NMT2: variants seen among roughly 807,000 people sequenced by gnomAD.
NMT2 encodes the protein glycylpeptide N-tetradecanoyltransferase 2.
Under a neutral mutation model 65.4 loss-of-function variants are expected in NMT2, and 35 were observed. That is an observed-to-expected ratio of 0.54 (90% CI 0.41 to 0.71). The LOEUF (loss-of-function observed/expected upper bound fraction) is 0.71, where lower values mean the gene tolerates loss of function less well. Among genes scored for constraint, NMT2 ranks in the 30% least tolerant of loss-of-function variants. NMT2 has a pLI of 0.00. For synonymous variants in NMT2, 226 were observed against 231.8 expected, an observed-to-expected ratio of 0.98 and a Z score of 0.23; for missense variants, 489 against 611.3, an observed-to-expected ratio of 0.80 and a Z score of 2.11.
chr10:15,141,764 C>G (rs1039692817), intron 1 of NMT2, among the ~76,000 whole-genome samples: 1 of 152,198 alleles, frequency 6.6e-6, no homozygotes, highest in Non-Finnish European at 1.5e-5. Flanking sequence ...GCTCAGTCAT[C>G]CTGCAGGTGC....
intron 1 of NMT2, among the ~76,000 whole-genome samples, chr10:15,144,679 C>G (rs10796260): frequency 0.37 from 55,620 of 151,402 alleles, 12,352 homozygotes; most frequent in African/African-American, 0.64. Context: ...TGCAGTGAGC[C>G]GAGATTGCAC....
intron 1 of NMT2, among the ~76,000 whole-genome samples, chr10:15,151,896 C>T (rs182023081): frequency 3.3e-5 from 5 of 152,250 alleles, no homozygotes; most frequent in East Asian, 1.9e-4. Flanking sequence ...TGTGGTGGCA[C>T]GCGCCTGTAA....
In NMT2 at chr10:15,155,270, C is replaced by T. The variant is rs1832954925; in HGVS notation, c.110+13233G>A. ...CAAACAGTTCGAAGGAGACGTGCCC[C>T]AAGGCCTCGCTGTTGATGGCGATGT... On this transcript the variant is annotated intron_variant, in intron 1 of 11. Transcript: ENST00000378165. 3 of 1,439,008 alleles carry T rather than the reference C, an allele frequency of 2.1e-6. No homozygotes were observed. In the African/African-American group the frequency reaches 4.2e-5, roughly 20 times the overall value. The allele number at this position is 1,439,008 out of a possible 1,614,324, so 89.1% of individuals were successfully genotyped here.
At chr10:15,142,157 T>C (rs1226145209) in intron 1 of NMT2, among the ~76,000 whole-genome samples, 1 of 152,264 alleles carries the variant, frequency 6.6e-6, no homozygotes, top group Non-Finnish European at 1.5e-5. Context: ...TTCTTTCCAC[T>C]GGTTATTCAT....
At chr10:15,165,521 T>C (rs1180439213) in intron 1 of NMT2, among the ~76,000 whole-genome samples, 2 of 152,204 alleles carry the variant, frequency 1.3e-5, no homozygotes, top group African/African-American at 4.8e-5. Flanking sequence ...CCCATGTTTT[T>C]TGTAATTCAT....
intron 2 of NMT2, 136 bp from the exon 3 acceptor site, chr10:15,135,554 T>C (rs1390533693): frequency 7.3e-6 from 6 of 818,112 alleles, no homozygotes; most frequent in Admixed American, 4.9e-5. Context: ...GTCAAGGCCA[T>C]GGGCTTGTGT....
intron 1 of NMT2, among the ~76,000 whole-genome samples, chr10:15,152,597 C>T (rs1832842058): frequency 6.6e-6 from 1 of 152,248 alleles, no homozygotes; most frequent in Non-Finnish European, 1.5e-5. Context: ...CTCTCAGAAC[C>T]TTCCCCAGCC....
At chr10:15,109,906 GT>G (rs1845449969) in intron 10 of NMT2, 67 bp from the exon 11 acceptor site, 1 of 1,307,982 alleles carries the variant, frequency 7.6e-7, no homozygotes, top group Non-Finnish European at 1.1e-6. Context: ...ACATATCTCA[GT>G]TTAACAATTC....
intron 9 of NMT2, among the ~76,000 whole-genome samples, chr10:15,114,403 C>T (rs745350535): frequency 2.6e-5 from 4 of 151,996 alleles, no homozygotes; most frequent in Non-Finnish European, 4.4e-5. Flanking sequence ...GATGATCTTT[C>T]CATTGTCCCT....
intron 8 of NMT2, among the ~76,000 whole-genome samples, chr10:15,127,575 TA>T (rs1410611353): frequency 1.5e-5 from 1 of 67,116 alleles, no homozygotes; most frequent in Admixed American, 1.8e-4. Flanking sequence ...AAAAAATAAA[TA>T]AATAAATAAA....
At chr10:15,148,095 G>A (rs1421717763) in intron 1 of NMT2, among the ~76,000 whole-genome samples, 7 of 152,194 alleles carry the variant, frequency 4.6e-5, no homozygotes, top group Non-Finnish European at 5.9e-5. Context: ...GCATTAAGTA[G>A]AGTTTGACTA....
intron 1 of NMT2, among the ~76,000 whole-genome samples, chr10:15,161,850 G>A (rs1474301904): frequency 6.6e-6 from 1 of 152,172 alleles, no homozygotes; most frequent in Non-Finnish European, 1.5e-5. Flanking sequence ...GAAATGAAAA[G>A]AAGTCAAAAT....
At chr10:15,141,072 G>A (rs1030966905) in intron 2 of NMT2, 144 of 1,507,996 alleles carry the variant, frequency 9.5e-5, no homozygotes, top group Non-Finnish European at 1.2e-4. Flanking sequence ...ATTACAATGT[G>A]AATATCTTCT....
intron 1 of NMT2, among the ~76,000 whole-genome samples, chr10:15,145,346 A>C (rs1488606524): frequency 3.9e-5 from 6 of 152,122 alleles, no homozygotes; most frequent in Admixed American, 1.3e-4. Context: ...ACTCTGAATA[A>C]GCTAAAAGCT....
intron 1 of NMT2, among the ~76,000 whole-genome samples, chr10:15,168,194 G>A (rs1438043469): frequency 4.6e-5 from 7 of 152,140 alleles, no homozygotes; most frequent in African/African-American, 1.7e-4. Context: ...GAGGGCAACA[G>A]GCGCCTCCTG....
intron 7 of NMT2, among the ~76,000 whole-genome samples, chr10:15,129,406 C>T (rs1846198970): frequency 6.6e-6 from 1 of 152,182 alleles, no homozygotes; most frequent in Non-Finnish European, 1.5e-5. Context: ...ATCATTTTCT[C>T]ACTGGAATAA....
chr10:15,115,391 G>A (rs1845710903), intron 9 of NMT2, among the ~76,000 whole-genome samples: 2 of 152,170 alleles, frequency 1.3e-5, no homozygotes, highest in South Asian at 4.2e-4. Flanking sequence ...GTTACCAATC[G>A]ACTATAAGTC....
At chr10:15,152,120 T>G (rs547472352) in intron 1 of NMT2, among the ~76,000 whole-genome samples, 16 of 152,312 alleles carry the variant, frequency 1.1e-4, no homozygotes, top group African/African-American at 3.6e-4. Context: ...GTGATATGTG[T>G]CCAAGGGCAA....
At chr10:15,136,114 G>A (rs1472399872) in intron 2 of NMT2, among the ~76,000 whole-genome samples, 2 of 151,914 alleles carry the variant, frequency 1.3e-5, no homozygotes, top group African/African-American at 2.4e-5. Context: ...CCAGCTACTC[G>A]GGAGGCTGAG....
Sources: allele counts gnomAD v4.1 joint callset (sites outside exome capture counted in the v4.1 genomes callset), GRCh38; gene constraint gnomAD v4.1.1; transcripts MANE v1.5; gene names NCBI Gene and HGNC (gene_info 2026-07-23, HGNC 2026-07-21).